Variants in TBC1D31 observed in about 807,000 individuals in gnomAD.
TBC1D31 encodes the protein WD repeat domain 67.
Under a neutral mutation model 132.9 loss-of-function variants are expected in TBC1D31, and 99 were observed. The ratio of observed to expected loss-of-function variants is 0.74; its 90% confidence interval spans 0.63 to 0.88. The LOEUF is 0.88. Ranked by LOEUF, TBC1D31 falls within the 40% of genes least tolerant of loss-of-function variation. The pLI, the probability that TBC1D31 is intolerant of heterozygous loss-of-function variation, is 0.00. For synonymous variants in TBC1D31, 385 were observed against 419.4 expected (o/e 0.92, Z 1.00); for missense variants, 1,134 against 1,256.6 (o/e 0.90, Z 1.48).
At chr8:123,113,091 A>G (rs578045493) in intron 10 of TBC1D31, among the ~76,000 whole-genome samples, 16 of 152,356 alleles carry the variant, frequency 1.1e-4, no homozygotes, top group African/African-American at 3.8e-4. Context: ...TTCTGAAATA[A>G]TAAATTTCCT....
At chr8:123,082,445 C>A in intron 2 of TBC1D31, 1 of 370,942 alleles carries the variant, frequency 2.7e-6, no homozygotes, top group Non-Finnish European at 4.8e-6. Context: ...TATCCATTTG[C>A]CATTGCTGCC....
chr8:123,163,135 A>G, the TBC1D31 span, among the ~76,000 whole-genome samples: 1 of 151,638 alleles, frequency 6.6e-6, no homozygotes, highest in African/African-American at 2.4e-5. Context: ...CATTGGGTAT[A>G]TTTTTAAATG....
chr8:123,091,495 T>C (rs1170562692), intron 4 of TBC1D31, among the ~76,000 whole-genome samples: 1 of 152,202 alleles, frequency 6.6e-6, no homozygotes, highest in African/African-American at 2.4e-5. Context: ...TTCCTAACAG[T>C]GAATCTAATA....
At position 123,105,292 on chromosome 8, in the gene TBC1D31, C is replaced by A; in HGVS notation, c.1037C>A (p.Pro346His). ...QALTQEINKPPPPLVKVIEDL... is the reference protein window; with the variant it reads ...QALTQEINKPHPPLVKVIEDL... The stretch of plus-strand genomic sequence containing the variant: ...TATATTTATTTTTCCATTTAGCCAC[C>A]TCCGCCTTTAGTGAAAGTTATTGAA... Residue 346 changes from proline to histidine, a missense_variant, in exon 8 of 22, where the codon CCT becomes CAT. Coordinates refer to ENST00000287380, the MANE Select transcript of TBC1D31 (RefSeq NM_145647.4). 1 of 1,546,762 alleles carries A rather than the reference C, an allele frequency of 6.5e-7. No individual in the cohort carries two copies. The highest frequency in any genetic ancestry group is 8.7e-7 in the Non-Finnish European group (1 of 1,145,990).
intron 5 of TBC1D31, among the ~76,000 whole-genome samples, chr8:123,096,017 T>C (rs761345890): frequency 5.9e-5 from 9 of 152,212 alleles, no homozygotes; most frequent in Non-Finnish European, 1.3e-4. Context: ...GCTGTGGTTA[T>C]TACCCTAATC....
Position 123,097,336 on chromosome 8 carries a change from C to T in TBC1D31, c.726C>T (p.Cys242=). The change falls in exon 6 of 22, where the codon TGC becomes TGT. Residue 242 remains cysteine (C), a synonymous_variant. Coordinates refer to ENST00000287380, the MANE Select transcript of TBC1D31 (RefSeq NM_145647.4). ...GGKSNHLHLW[C]LEARQLFRII... is the part of the protein sequence containing the mutation. The stretch of plus-strand genomic sequence containing the variant: ...AGTCAAATCATCTTCATTTGTGGTG[C>T]TTGGAAGCTAGGCAGCTCTTTAGAA... 2 of 1,614,118 alleles carry T rather than the reference C, an allele frequency of 1.2e-6. No homozygotes were observed. Among genetic ancestry groups the T allele is most frequent in the Non-Finnish European group, 1.7e-6 (2 of 1,180,020 alleles).
intron 20 of TBC1D31, among the ~76,000 whole-genome samples, chr8:123,147,567 G>T (rs1006960334): frequency 6.6e-6 from 1 of 152,140 alleles, no homozygotes; most frequent in Non-Finnish European, 1.5e-5. Context: ...TTTCGTCATC[G>T]GTAGTTTTCC....
intron 10 of TBC1D31, among the ~76,000 whole-genome samples, chr8:123,117,893 A>G (rs1033748779): frequency 2.3e-4 from 35 of 152,244 alleles, no homozygotes; most frequent in African/African-American, 8.4e-4. Context: ...GCACCACTAC[A>G]CTCCAGCCTG....
chr8:123,128,621 A>C (rs1820320151), intron 14 of TBC1D31, 108 bp downstream of exon 14: 2 of 856,032 alleles, frequency 2.3e-6, no homozygotes, highest in Non-Finnish European at 3.6e-6. Context: ...TCACGCCTAT[A>C]GTCCCAGCAC....
intron 20 of TBC1D31, among the ~76,000 whole-genome samples, chr8:123,145,871 C>CTT (rs57816964): frequency 8.5e-4 from 114 of 133,482 alleles, no homozygotes; most frequent in African/African-American, 1.4e-3. Context: ...TTCTCTTTTT[C>CTT]TTTTTTTTTT....
In TBC1D31 at chr8:123,124,653, C is replaced by T. The variant is rs1354635778; in HGVS notation, c.1571-1403C>T. On this transcript the variant is annotated intron_variant, in intron 11 of 21. Coordinates refer to ENST00000287380, the MANE Select transcript of TBC1D31 (RefSeq NM_145647.4). ...ACTTAAAATTAAGAGCTGGGCTGGG[C>T]GCAGCGGCTCACACCTGTAATCCCA... is the stretch of plus-strand genomic sequence containing the variant. Among the ~76,000 whole-genome samples, 10 of 151,840 alleles carry T rather than the reference C, an allele frequency of 6.6e-5. No homozygotes were observed. In the East Asian group the frequency reaches 1.2e-3, roughly 18 times the overall value.
chr8:123,158,864 G>A, the TBC1D31 span, among the ~76,000 whole-genome samples: 1 of 152,080 alleles, frequency 6.6e-6, no homozygotes, highest in Non-Finnish European at 1.5e-5. Context: ...GTTGGAGGTG[G>A]GGCAGGCTGC....
intron 20 of TBC1D31, among the ~76,000 whole-genome samples, chr8:123,148,041 C>T (rs1822402128): frequency 6.6e-6 from 1 of 151,590 alleles, no homozygotes; most frequent in African/African-American, 2.4e-5. Context: ...GCAGGAGAAT[C>T]GCTTGAACCC....
intron 6 of TBC1D31, among the ~76,000 whole-genome samples, chr8:123,098,619 A>G (rs1817063008): frequency 6.6e-6 from 1 of 152,196 alleles, no homozygotes; most frequent in Admixed American, 6.5e-5. Context: ...AAATTGTTCT[A>G]TATCAGTGCA....
At chr8:123,079,922 T>C in intron 2 of TBC1D31, among the ~76,000 whole-genome samples, 1 of 152,226 alleles carries the variant, frequency 6.6e-6, no homozygotes, top group Non-Finnish European at 1.5e-5. Flanking sequence ...ATCCCTATCT[T>C]CGATAGCCTC....
intron 11 of TBC1D31, 41 bp downstream of exon 11, chr8:123,120,229 T>C: frequency 1.3e-6 from 2 of 1,509,524 alleles, no homozygotes; most frequent in Non-Finnish European, 1.8e-6. Flanking sequence ...AAGAATGGAT[T>C]CTTATACATT....
At chr8:123,141,394 G>C (rs942558268) in intron 18 of TBC1D31, among the ~76,000 whole-genome samples, 1 of 122,188 alleles carries the variant, frequency 8.2e-6, no homozygotes, top group Non-Finnish European at 1.8e-5. Flanking sequence ...AATAAGTATT[G>C]GAAATGCTGT....
chr8:123,156,706 T>G (rs1182752820), downstream of TBC1D31, among the ~76,000 whole-genome samples: 1 of 152,158 alleles, frequency 6.6e-6, no homozygotes, highest in East Asian at 1.9e-4. Flanking sequence ...ATGAGCTCCC[T>G]GACACCCCTC....
downstream of TBC1D31, among the ~76,000 whole-genome samples, chr8:123,156,186 A>G (rs925945805): frequency 6.6e-6 from 1 of 152,176 alleles, no homozygotes; most frequent in Non-Finnish European, 1.5e-5. Flanking sequence ...CACACCTGTA[A>G]TCCCAGCACT....
Sources: gnomAD v4.1 joint callset for allele counts (sites outside exome capture counted in the v4.1 genomes callset) on GRCh38, gnomAD v4.1.1 for gene constraint, MANE v1.5 for transcripts, NCBI Gene and HGNC (gene_info 2026-07-23, HGNC 2026-07-21) for gene names.